The following MYO18B variants were observed in gnomAD, a reference collection of about 807,000 sequenced individuals.
MYO18B encodes the protein myosin XVIIIB, also known as unconventional myosin-XVIIIb.
A neutral mutation model predicts 273.0 loss-of-function variants in MYO18B; 204 were observed. The observed-to-expected ratio is 0.75, with a 90% CI of 0.67 to 0.84. The LOEUF (loss-of-function observed/expected upper bound fraction) is 0.84. Ranked by LOEUF, MYO18B falls within the 40% of genes least tolerant of loss-of-function variation. MYO18B has a pLI of 0.00. For missense variants in MYO18B, 3,212 were observed against 3,287.6 expected (o/e 0.98, Z 0.56); for synonymous variants, 1,330 against 1,305.7 (o/e 1.02, Z -0.40).
chr22:25,762,595 C>T (rs1163697283), intron 2 of MYO18B, among the ~76,000 whole-genome samples: 2 of 152,260 alleles, frequency 1.3e-5, no homozygotes, highest in African/African-American at 4.8e-5. Flanking sequence ...ATATCAGGGT[C>T]CAACCTGCCT....
chr22:25,922,001 T>C (rs900211455), intron 34 of MYO18B, among the ~76,000 whole-genome samples: 13 of 152,326 alleles, frequency 8.5e-5, no homozygotes, highest in African/African-American at 3.1e-4. Flanking sequence ...GATCAAGGCA[T>C]GATGTTGACC....
chr22:25,985,971 C>T lies in MYO18B; in HGVS notation c.6157-6392C>T, dbSNP rs377681639. On this transcript the variant is annotated intron_variant, in intron 39 of 43. Transcript: ENST00000335473. ...TCCCCCACTTCACACCCTCCAGCGT[C>T]AGCCTCATTTCTCCCAGGCAAGTGA... 1.1e-3 allele frequency among the ~76,000 whole-genome samples: 170 copies of T among 152,328 alleles called. 1 individual carries two copies. The highest frequency in any genetic ancestry group is 3.8e-3 in the African/African-American group (157 of 41,566).
At position 25,767,433 on chromosome 22, in the gene MYO18B, C is replaced by T. The variant is rs570089372; in HGVS notation, c.199-682C>T. 2.8e-4 allele frequency among the ~76,000 whole-genome samples: 42 copies of T among 152,370 alleles called. No homozygotes were observed. In the South Asian group the frequency reaches 8.3e-3, roughly 30 times the overall value. On this transcript the variant is annotated intron_variant, in intron 3 of 43. Coordinates refer to ENST00000335473, the MANE Select transcript of MYO18B (RefSeq NM_032608.7). ...TAGCAGCAGCTCGGTTTATTCTTCT[C>T]TCTCTGATCTCCAAAGTGCATTTCT...
At position 26,027,288 on chromosome 22, in the gene MYO18B, A is replaced by G. The variant is rs774520607; in HGVS notation, c.7314A>G (p.Lys2438=). 8 of 1,613,878 alleles carry G rather than the reference A, an allele frequency of 5.0e-6. No individual in the cohort carries two copies. Among genetic ancestry groups the G allele is most frequent in the Non-Finnish European group, 6.8e-6 (8 of 1,179,888 alleles). Residue 2438 remains lysine, a synonymous_variant, in exon 43 of 44, where the codon AAA becomes AAG. Coordinates refer to ENST00000335473, the MANE Select transcript of MYO18B (RefSeq NM_032608.7). This position sits in a 1 kb window ranked among gnomAD's most constrained non-coding sequence, Gnocchi z 4.1. ...GCCTCGACTACGAACGCAAGACCAA[A>G]GTGGACTTCGATGACTTCCTCCCAG... ...LPSLDYERKT[K]VDFDDFLPAI...
At chr22:25,992,229 C>T (rs2093277531) in intron 39 of MYO18B, 134 bp from the exon 40 acceptor site, 13 of 1,048,996 alleles carry the variant, frequency 1.2e-5, no homozygotes, top group Non-Finnish European at 1.8e-5. Context: ...GAGAGCCTCT[C>T]ACGGAGAACT....
intron 39 of MYO18B, among the ~76,000 whole-genome samples, chr22:25,985,777 A>G (rs1416601741): frequency 4.6e-5 from 7 of 152,036 alleles, no homozygotes; most frequent in Non-Finnish European, 7.4e-5. Flanking sequence ...CTACAGGTGC[A>G]TGCCACCACA....
At chr22:25,805,378 A>G (rs1227849215) in intron 12 of MYO18B, among the ~76,000 whole-genome samples, 1 of 152,192 alleles carries the variant, frequency 6.6e-6, no homozygotes, top group African/African-American at 2.4e-5. Context: ...TCAAAGGACA[A>G]ATGTTCCCTG....
chr22:26,039,938 C>T, the MYO18B span, among the ~76,000 whole-genome samples: 41 of 152,294 alleles, frequency 2.7e-4, no homozygotes, highest in African/African-American at 9.6e-4. Flanking sequence ...GATTCTCCTA[C>T]CTCAGCCTCC....
In MYO18B at chr22:25,843,700, G is replaced by C. The variant is rs776456331; in HGVS notation, c.3209-35G>C. The C allele has an allele frequency of 1.9e-6, 3 of 1,590,104 alleles. No individual in the cohort carries two copies. The South Asian group carries it at 3.3e-5, about 18-fold the overall frequency. ...AGCTGATTGCAGAGTGTCCTCAACA[G>C]GCTCCAGCACTCATGCCACCATGTC... is the stretch of plus-strand genomic sequence containing the variant. On this transcript the variant is annotated intron_variant, in intron 17 of 43. Coordinates refer to ENST00000335473, the MANE Select transcript of MYO18B (RefSeq NM_032608.7).
intron 21 of MYO18B, among the ~76,000 whole-genome samples, chr22:25,859,831 GC>G (rs1359197523): frequency 1.3e-5 from 2 of 152,018 alleles, no homozygotes; most frequent in Non-Finnish European, 2.9e-5. Context: ...TCATAATGAT[GC>G]ACAGAGATTT....
intron 15 of MYO18B, among the ~76,000 whole-genome samples, chr22:25,829,213 G>T (rs2089611737): frequency 1.3e-5 from 2 of 152,198 alleles, no homozygotes; most frequent in South Asian, 4.1e-4. Flanking sequence ...GGCTTCCCCA[G>T]TCCTTGCTTC....
intron 42 of MYO18B, among the ~76,000 whole-genome samples, chr22:26,010,063 C>T (rs1193069409): frequency 3.3e-5 from 5 of 152,242 alleles, no homozygotes; most frequent in East Asian, 1.9e-4. Context: ...TAAAGCACCA[C>T]GTTGGAGCCC....
At chr22:26,014,492 C>T (rs1935158290) in intron 42 of MYO18B, among the ~76,000 whole-genome samples, 1 of 152,184 alleles carries the variant, frequency 6.6e-6, no homozygotes, top group Non-Finnish European at 1.5e-5. Context: ...TCCCTCTTTG[C>T]AGGATTTGGC....
chr22:25,835,438 C>A lies in MYO18B; in HGVS notation c.3203C>A (p.Thr1068Asn), dbSNP rs1407567726. 6.2e-7 allele frequency: 1 copy of A among 1,613,778 alleles called. No homozygotes were observed. ...GCTTTCGAGAAGAAAGGAGCTGGGACTGAAGGTAAGGAAGCAGGGGGCTGG... is the reference window on the plus strand; with the variant it reads ...GCTTTCGAGAAGAAAGGAGCTGGGAATGAAGGTAAGGAAGCAGGGGGCTGG... The part of the protein sequence containing the change: ...CAAFEKKGAG[T>N]EGSSALRTCE... The change falls in exon 17 of 44, where the codon ACT becomes AAT. Residue 1068 changes from threonine (T) to asparagine (N), a missense_variant. Physicochemically the swap from Thr to Asn is moderately conservative, Grantham distance 65. Transcript: ENST00000335473.
At chr22:25,797,425 A>T (rs2087965085) in intron 11 of MYO18B, among the ~76,000 whole-genome samples, 1 of 152,060 alleles carries the variant, frequency 6.6e-6, no homozygotes. Flanking sequence ...GGGTGGGATT[A>T]ATTACCCCTT....
At chr22:25,819,684 A>C (rs1167215012) in intron 12 of MYO18B, among the ~76,000 whole-genome samples, 1 of 152,206 alleles carries the variant, frequency 6.6e-6, no homozygotes, top group African/African-American at 2.4e-5. Flanking sequence ...TTCTGTTTAC[A>C]GTGTATTTAA....
At chr22:25,966,709 C>T (rs2092983445) in intron 39 of MYO18B, among the ~76,000 whole-genome samples, 2 of 152,220 alleles carry the variant, frequency 1.3e-5, no homozygotes, top group Admixed American at 1.3e-4. Flanking sequence ...TGTCACTCCC[C>T]TCCTTCTAGG....
At chr22:25,961,603 G>A (rs575516899) in intron 39 of MYO18B, among the ~76,000 whole-genome samples, 5 of 152,248 alleles carry the variant, frequency 3.3e-5, no homozygotes, top group African/African-American at 1.2e-4. Flanking sequence ...CTCCTCTGTG[G>A]ATGTATATCC....
chr22:25,955,405 T>G (rs1328906083), intron 39 of MYO18B, 41 bp downstream of exon 39: 7 of 1,569,422 alleles, frequency 4.5e-6, no homozygotes, highest in Non-Finnish European at 6.1e-6. Flanking sequence ...CGACTGAGGG[T>G]TTGCAATGTG....
Sources: allele counts gnomAD v4.1 joint callset (sites outside exome capture counted in the v4.1 genomes callset), GRCh38; gene constraint gnomAD v4.1.1; non-coding constraint Gnocchi (gnomAD v3.1); transcripts MANE v1.5; gene names NCBI Gene and HGNC (gene_info 2026-07-23, HGNC 2026-07-21).